FADS2: variants seen among roughly 807,000 people sequenced by gnomAD.
FADS2 encodes fatty acid desaturase 2.
In FADS2, 18 loss-of-function variants were observed where a neutral mutation model predicts 61.2. The ratio of observed to expected loss-of-function variants is 0.29; its 90% CI spans 0.20 to 0.44. FADS2 has a LOEUF of 0.44. FADS2 is among the 20% of genes least tolerant of loss of function. The pLI, the probability that FADS2 is intolerant of heterozygous loss-of-function variation, is 1.00. For synonymous variants in FADS2, 203 were observed against 223.9 expected (o/e 0.91, Z 0.83); for missense variants, 322 against 572.7 (o/e 0.56, Z 4.47).
chr11:61,862,616 T>C (rs1427162906), intron 7 of FADS2: 1 of 303,122 alleles, frequency 3.3e-6, no homozygotes, highest in East Asian at 8.9e-5. Context: ...TGGGGGACGG[T>C]TGGGGACCTG....
chr11:61,862,636 T>G, intron 7 of FADS2: 1 of 312,308 alleles, frequency 3.2e-6, no homozygotes. Context: ...GGCCCCGGGT[T>G]GGGGGCGCAC....
At chr11:61,860,600 G>A (rs554050615) in intron 7 of FADS2, among the ~76,000 whole-genome samples, 6 of 152,298 alleles carry the variant, frequency 3.9e-5, no homozygotes, top group Non-Finnish European at 8.8e-5. Flanking sequence ...AGCGATCTCT[G>A]TGTATGTGTT....
At chr11:61,851,556 C>T (rs532517410) in intron 5 of FADS2, among the ~76,000 whole-genome samples, 6 of 152,338 alleles carry the variant, frequency 3.9e-5, no homozygotes, top group East Asian at 1.9e-4. Context: ...TCGCAGGACC[C>T]GGCCGCCCTG....
intron 7 of FADS2, among the ~76,000 whole-genome samples, chr11:61,857,735 C>T (rs1382657638): frequency 1.1e-4 from 16 of 152,188 alleles, no homozygotes; most frequent in Admixed American, 1.0e-3. Context: ...CTCCCTCAGA[C>T]ATAGGGAGTC....
chr11:61,816,501 T>G lies in FADS2; in HGVS notation c.141+75T>G, dbSNP rs765810768. ...TCGGAGTGCGTAACTCTGTCTCCCCTGCACTCAGCCTCCGGTCCCGCCCTC... is the reference window on the plus strand; with the variant it reads ...TCGGAGTGCGTAACTCTGTCTCCCCGGCACTCAGCCTCCGGTCCCGCCCTC... On this transcript the variant is annotated intron_variant, in intron 1 of 11. Coordinates refer to the FADS2 transcript ENST00000257261. This position sits in a 1 kb window ranked among gnomAD's most constrained non-coding sequence, Gnocchi z 7.0. 10 of 1,599,780 alleles carry G rather than the reference T, an allele frequency of 6.3e-6. No individual in the cohort carries two copies. Among genetic ancestry groups the G allele is most frequent in the African/African-American group, 1.3e-5 (1 of 74,792 alleles).
At chr11:61,817,612 T>A (rs1323014230) in intron 1 of FADS2, among the ~76,000 whole-genome samples, 1 of 152,220 alleles carries the variant, frequency 6.6e-6, no homozygotes, top group Non-Finnish European at 1.5e-5. Flanking sequence ...CCTTAGGTGT[T>A]TCACCTGAAA....
intron 4 of FADS2, among the ~76,000 whole-genome samples, chr11:61,842,163 C>T (rs758584532): frequency 6.6e-6 from 1 of 152,208 alleles, no homozygotes. Flanking sequence ...CCCTCTTCCA[C>T]CCAGACCGCA....
intron 1 of FADS2, chr11:61,817,168 A>T: frequency 6.5e-6 from 1 of 154,720 alleles, no homozygotes; most frequent in African/African-American, 4.0e-5. Flanking sequence ...GAATGGACTG[A>T]GGGGCCAGGG....
chr11:61,851,008 T>C (rs1474930698), intron 5 of FADS2, among the ~76,000 whole-genome samples: 1 of 152,206 alleles, frequency 6.6e-6, no homozygotes, highest in Non-Finnish European at 1.5e-5. Context: ...TCGCAGGAAA[T>C]CAGCCACAGT....
chr11:61,816,827 T>C lies in FADS2; in HGVS notation c.141+401T>C. 4.7e-6 allele frequency: 7 copies of C among 1,495,058 alleles called. No individual in the cohort carries two copies. The highest frequency in any genetic ancestry group is 6.2e-6 in the Non-Finnish European group (7 of 1,131,898). The allele number at this position is 1,495,058 out of a possible 1,614,324, so 92.6% of individuals were successfully genotyped here. The stretch of plus-strand genomic sequence containing the variant: ...AGGCGCGTGCTCGGGGTCCGCGGGC[T>C]CCAGGAGTGGATTTGCTGGCGCGCG... On this transcript the variant is annotated intron_variant, in intron 1 of 11. Coordinates refer to the FADS2 transcript ENST00000257261. This position sits in a 1 kb window ranked among gnomAD's most constrained non-coding sequence, Gnocchi z 7.0.
chr11:61,838,053 G>A (rs1413615041), intron 2 of FADS2, among the ~76,000 whole-genome samples, 165 bp downstream of exon 2: 1 of 152,152 alleles, frequency 6.6e-6, no homozygotes, highest in East Asian at 1.9e-4. Flanking sequence ...GAGGGCCTCA[G>A]AGCCTCCCTG....
At position 61,866,380 on chromosome 11, in the gene FADS2, G is replaced by A. The variant is rs1022776247; in HGVS notation, c.*691G>A. 7 of 178,210 alleles carry A rather than the reference G, an allele frequency of 3.9e-5. No individual in the cohort carries two copies. The allele number at this position is 178,210 out of a possible 1,614,324, so 11.0% of individuals were successfully genotyped here. A position where few individuals can be genotyped will look rare whatever the true frequency, so the allele number is the denominator to read the frequency against. Reference sequence around the variant, plus strand: ...GAGTGCTCTGACCCTGGGCTTTCACGGGCCCCATTCCACCGCCTCCCCAAC... The same window carrying A: ...GAGTGCTCTGACCCTGGGCTTTCACAGGCCCCATTCCACCGCCTCCCCAAC... On this transcript the variant is annotated 3_prime_UTR_variant, in exon 12 of 12. Transcript: ENST00000278840.
rs2067101121 is a variant in FADS2 at position 61,828,416 on chromosome 11, AG to A, written c.31del (p.Ala11ProfsTer76). On this transcript the variant is annotated frameshift_variant, in exon 1 of 12. Coordinates refer to ENST00000278840, the MANE Select transcript of FADS2 (RefSeq NM_004265.4). LOFTEE classifies it high-confidence loss of function. The surrounding 1 kb of genome is among the most constrained non-coding windows in gnomAD (Gnocchi z 6.4). ...ATGGGGAAGGGAGGGAACCAGGGCG[AG>A]GGGGCCGCCGAGCGCGAGGTGTCGG... is the stretch of plus-strand genomic sequence containing the variant. MGKGGNQGEGAAEREVSVP... is the reference protein window; with the variant it reads MGKGGNQGXGAAEREVSVP... The A allele has an allele frequency of 6.3e-7, 1 of 1,575,924 alleles. No homozygotes were observed. The highest frequency in any genetic ancestry group is 1.9e-5 in the Admixed American group (1 of 52,100).
chr11:61,837,924 C>T (rs934107444), intron 2 of FADS2, 36 bp downstream of exon 2: 15 of 1,484,822 alleles, frequency 1.0e-5, no homozygotes, highest in African/African-American at 2.8e-5. Flanking sequence ...GGGGTGGAGA[C>T]GAGGCTGGGG....
intron 5 of FADS2, 139 bp from the exon 6 acceptor site, chr11:61,856,872 C>G: frequency 2.7e-6 from 2 of 747,228 alleles, no homozygotes; most frequent in Admixed American, 4.0e-5. Flanking sequence ...TTGGTGGGCC[C>G]AGGGTGCAGA....
intron 4 of FADS2, among the ~76,000 whole-genome samples, chr11:61,843,663 T>G (rs1402665004): frequency 4.6e-5 from 7 of 152,172 alleles, no homozygotes; most frequent in Non-Finnish European, 8.8e-5. Flanking sequence ...AATGTGGTTT[T>G]GTTTTGTTTT....
At chr11:61,816,203 AT>A (rs1565322374), upstream of FADS2, 2 of 1,539,620 alleles carry the variant, frequency 1.3e-6, no homozygotes, top group Non-Finnish European at 1.8e-6. The surrounding 1 kb of genome is among the most constrained non-coding windows in gnomAD (Gnocchi z 7.0). Flanking sequence ...GGCGGCCTGC[AT>A]CCTTGCTCTC....
rs750975132 is a variant in FADS2, at chr11:61,816,526, C to A, written c.141+100C>A. ...TGCACTCAGCCTCCGGTCCCGCCCT[C>A]TCCTGTGCCCCCGCCTGGCTGCGCT... On this transcript the variant is annotated intron_variant, in intron 1 of 11. Coordinates refer to the FADS2 transcript ENST00000257261. This position sits in a 1 kb window ranked among gnomAD's most constrained non-coding sequence, Gnocchi z 7.0. 53 of 1,597,112 alleles carry A rather than the reference C, an allele frequency of 3.3e-5. No homozygotes were observed. The highest frequency in any genetic ancestry group is 4.3e-5 in the Non-Finnish European group (51 of 1,173,740).
chr11:61,863,685 C>T (rs768717879), intron 9 of FADS2, 22 bp from the exon 10 acceptor site: 2 of 1,607,236 alleles, frequency 1.2e-6, no homozygotes, highest in Non-Finnish European at 8.5e-7. Flanking sequence ...TGTTCCCTGA[C>T]ACTCATCCCC....
Sources: gnomAD v4.1 joint callset for allele counts (sites outside exome capture counted in the v4.1 genomes callset) on GRCh38, gnomAD v4.1.1 for gene constraint, Gnocchi (gnomAD v3.1) non-coding constraint, MANE v1.5 for transcripts, NCBI Gene and HGNC (gene_info 2026-07-23, HGNC 2026-07-21) for gene names.